Variants in ADCY4 observed in about 807,000 individuals in gnomAD.
ADCY4 encodes the protein adenylate cyclase type 4.
Under a neutral mutation model 125.5 loss-of-function variants are expected in ADCY4, and 111 were observed. The ratio of observed to expected loss-of-function variants is 0.88; its 90% CI spans 0.76 to 1.04. ADCY4 has a LOEUF of 1.04. ADCY4 is among the 50% of genes least tolerant of loss of function. The pLI is 0.00. For synonymous variants in ADCY4, 576 were observed against 586.9 expected (o/e 0.98, Z 0.27); for missense variants, 1,256 against 1,382.9 (o/e 0.91, Z 1.46).
At chr14:24,333,807 C>T (rs2139230357) in intron 1 of ADCY4, among the ~76,000 whole-genome samples, 1 of 152,266 alleles carries the variant, frequency 6.6e-6, no homozygotes, top group East Asian at 1.9e-4. Context: ...GCGCCAGGAC[C>T]CGCGGCGTCC....
chr14:24,318,838 A>C, intron 23 of ADCY4, 60 bp from the exon 24 acceptor site: 2 of 1,606,646 alleles, frequency 1.2e-6, no homozygotes, highest in East Asian at 2.2e-5. Flanking sequence ...GGAAGCCACA[A>C]GGAACTGGAA....
intron 1 of ADCY4, among the ~76,000 whole-genome samples, chr14:24,333,931 C>T (rs1221634530): frequency 1.3e-5 from 2 of 152,204 alleles, no homozygotes; most frequent in Non-Finnish European, 2.9e-5. Context: ...TAGGCGTGGA[C>T]CAGCAAGGAT....
At chr14:24,323,585 G>A in intron 16 of ADCY4, 131 bp from the exon 17 acceptor site, 2 of 1,464,382 alleles carry the variant, frequency 1.4e-6, no homozygotes, top group South Asian at 1.4e-5. Flanking sequence ...TGCTATTTCT[G>A]GTTGGGAAGG....
chr14:24,323,452 G>C lies in ADCY4; in HGVS notation c.2049C>G (p.Phe683Leu), dbSNP rs763475799. 16 of 1,552,472 alleles carry C rather than the reference G, an allele frequency of 1.0e-5. No homozygotes were observed. In the South Asian group the frequency reaches 1.9e-4, roughly 18 times the overall value. Residue 683 changes from phenylalanine to leucine, a missense_variant and splice_region_variant, in exon 17 of 25, where the codon TTC becomes TTG. Coordinates refer to ENST00000418030, the MANE Select transcript of ADCY4 (RefSeq NM_001198568.2). The stretch of plus-strand genomic sequence containing the variant: ...GGCAGTCTGATGATGTTGGGAAGAA[G>C]AACTGCAGAGGAGATGAGGAGTTGA... ...LVFAMAITSL[F>L]FFPTSSDCPF...
chr14:24,328,077 C>T (rs1321253933), intron 10 of ADCY4, among the ~76,000 whole-genome samples: 2 of 152,196 alleles, frequency 1.3e-5, no homozygotes, highest in East Asian at 3.8e-4. Context: ...TGCGAGCCTT[C>T]TGTTATGCCT....
At position 24,324,370 on chromosome 14, in the gene ADCY4, C is replaced by T. The variant is rs141339113; in HGVS notation, c.1845G>A (p.Thr615=). Residue 615 remains threonine, a synonymous_variant, in exon 15 of 25, where the codon ACG becomes ACA. Transcript: ENST00000418030. ...GGAAGAGGAGGAAGGTGATGCTATA[C>T]GTGATGGCCAGAGCTGGGGGCCTGA... ...VTNRPPALAI[T]YSITFLLFLL... The T allele has an allele frequency of 1.7e-5, 27 of 1,614,004 alleles. No individual in the cohort carries two copies. The African/African-American group carries it at 1.7e-4, about 10-fold the overall frequency.
At chr14:24,321,983 A>T in intron 20 of ADCY4, 83 bp downstream of exon 20, 2 of 1,490,158 alleles carry the variant, frequency 1.3e-6, no homozygotes, top group Admixed American at 4.2e-5. Flanking sequence ...GGTTCTAGAG[A>T]AAACGGGCCA....
rs768747131 is a variant in ADCY4, at chr14:24,319,256, G to A, written c.2842-44C>T. On this transcript the variant is annotated intron_variant, in intron 22 of 24. Transcript: ENST00000418030. The surrounding 1 kb of genome is among the most constrained non-coding windows in gnomAD (Gnocchi z 4.5). ...ACCAGGGTGGGCCAGTGAGGGCACAGGAATAAGTCCCACTAATAAGCCCAT... is the reference window on the plus strand; with the variant it reads ...ACCAGGGTGGGCCAGTGAGGGCACAAGAATAAGTCCCACTAATAAGCCCAT... 5 of 1,612,938 alleles carry A rather than the reference G, an allele frequency of 3.1e-6. No homozygotes were observed. In the African/African-American group the frequency reaches 4.0e-5, roughly 13 times the overall value.
chr14:24,324,147 C>T lies in ADCY4; in HGVS notation c.1961G>A (p.Gly654Asp). 6.2e-7 allele frequency: 1 copy of T among 1,614,260 alleles called. No homozygotes were observed. The highest frequency in any genetic ancestry group is 8.5e-7 in the Non-Finnish European group (1 of 1,180,044). The change falls in exon 16 of 25, where the codon GGC becomes GAC. Residue 654 changes from glycine (G) to aspartate (D), a missense_variant. Gly to Asp is a moderately conservative substitution (Grantham distance 94). Transcript: ENST00000418030. ...CAGTCCTGGTCGTGTGGCCACCAGGCCAGACAGTGCAGGCAGCCAGTGCAG... is the reference window on the plus strand; with the variant it reads ...CAGTCCTGGTCGTGTGGCCACCAGGTCAGACAGTGCAGGCAGCCAGTGCAG... Reference protein sequence around the residue: ...KMLHWLPALSGLVATRPGLRI... With the variant: ...KMLHWLPALSDLVATRPGLRI...
Position 24,324,330 on chromosome 14 carries a change from C to T in ADCY4, c.1885G>A (p.Val629Ile), listed in dbSNP as rs1214886629. 1.9e-6 allele frequency: 3 copies of T among 1,614,018 alleles called. No homozygotes were observed. The highest frequency in any genetic ancestry group is 2.7e-5 in the African/African-American group (2 of 74,906). Residue 629 changes from valine (V) to isoleucine (I), a missense_variant, in exon 15 of 25, where the codon GTC (valine) becomes ATC (isoleucine). Physicochemically the swap from Val to Ile is conservative, Grantham distance 29. Transcript: ENST00000418030. ...TFLLFLLILF[V>I]CFSEDLMRCV... ...ACCATCAGGTCCTCTGAGAAGCAGACAAAAAGGATGAGGAGGAAGAGGAGG... is the reference window on the plus strand; with the variant it reads ...ACCATCAGGTCCTCTGAGAAGCAGATAAAAAGGATGAGGAGGAAGAGGAGG...
chr14:24,323,138 G>A (rs753285670), intron 17 of ADCY4, 50 bp from the exon 18 acceptor site: 46 of 1,588,018 alleles, frequency 2.9e-5, no homozygotes, highest in Admixed American at 3.5e-5. Flanking sequence ...TAGGCAGAGG[G>A]GGGACACCTG....
intron 20 of ADCY4, 51 bp downstream of exon 20, chr14:24,322,015 A>C (rs753056379): frequency 6.4e-7 from 1 of 1,556,454 alleles, no homozygotes; most frequent in South Asian, 1.2e-5. Flanking sequence ...TTTCATCTGA[A>C]ATTAGGCCCT....
intron 6 of ADCY4, 35 bp from the exon 7 acceptor site, chr14:24,330,330 G>T (rs1195037737): frequency 1.2e-6 from 2 of 1,612,546 alleles, no homozygotes; most frequent in Non-Finnish European, 1.7e-6. Flanking sequence ...AGAGGAACCT[G>T]GTTAGAGGTC....
chr14:24,319,774 G>A lies in ADCY4; in HGVS notation c.2701C>T (p.Leu901=). 5.6e-6 allele frequency: 9 copies of A among 1,614,168 alleles called. No individual in the cohort carries two copies. The highest frequency in any genetic ancestry group is 6.8e-6 in the Non-Finnish European group (8 of 1,180,032). Residue 901 remains leucine (L), a synonymous_variant, in exon 21 of 25, where the codon CTG becomes TTG. Coordinates refer to ENST00000418030, the MANE Select transcript of ADCY4 (RefSeq NM_001198568.2). This position sits in a 1 kb window ranked among gnomAD's most constrained non-coding sequence, Gnocchi z 4.5. ...INHEGLECLR[L]LNEIIADFDE... is the part of the protein sequence containing the mutation. ...AAATCAGCAATTATCTCATTGAGCA[G>A]CCTCAGACACTCTAGGCCCTCATGA...
chr14:24,329,898 G>A lies in ADCY4; in HGVS notation c.1179C>T (p.Val393=). 3 of 1,614,108 alleles carry A rather than the reference G, an allele frequency of 1.9e-6. No homozygotes were observed. The highest frequency in any genetic ancestry group is 2.5e-6 in the Non-Finnish European group (3 of 1,180,000). ...CTGCCTCCATGTGGTTAGCCAGTGTGACATCATGTGACCAAACGTCGTACT... is the reference window on the plus strand; with the variant it reads ...CTGCCTCCATGTGGTTAGCCAGTGTAACATCATGTGACCAAACGTCGTACT... ...KWQYDVWSHD[V]TLANHMEAGG... Residue 393 remains valine (V), a synonymous_variant, in exon 8 of 25, where the codon GTC becomes GTT. Transcript: ENST00000418030.
chr14:24,334,952 G>C lies in ADCY4; in HGVS notation c.-300C>G, dbSNP rs893009453. The C allele has an allele frequency of 1.0e-5, 3 of 298,498 alleles. No homozygotes were observed. 18.5% of individuals were successfully genotyped at this position (298,498 alleles called of 1,614,324 possible). ...GGCAGGATTTGGGGTTGGTGCGAGGGAGCCCCGGGTTCCCCTGATCCCCGA... is the reference window on the plus strand; with the variant it reads ...GGCAGGATTTGGGGTTGGTGCGAGGCAGCCCCGGGTTCCCCTGATCCCCGA... On this transcript the variant is annotated 5_prime_UTR_variant, in exon 1 of 25. Coordinates refer to ENST00000418030, the MANE Select transcript of ADCY4 (RefSeq NM_001198568.2).
At position 24,319,084 on chromosome 14, in the gene ADCY4, G is replaced by A. The variant is rs368412479; in HGVS notation, c.2956+14C>T. 2 of 1,613,160 alleles carry A rather than the reference G, an allele frequency of 1.2e-6. No homozygotes were observed. Among genetic ancestry groups the A allele is most frequent in the Non-Finnish European group, 1.7e-6 (2 of 1,179,396 alleles). ...AGGAGGTACCAGACTGCTGCAGCAG[G>A]GGAAGTCTCTCACCCACTCGCAGGC... is the stretch of plus-strand genomic sequence containing the variant. On this transcript the variant is annotated intron_variant, in intron 23 of 24. Coordinates refer to ENST00000418030, the MANE Select transcript of ADCY4 (RefSeq NM_001198568.2). This position sits in a 1 kb window ranked among gnomAD's most constrained non-coding sequence, Gnocchi z 4.5.
intron 20 of ADCY4, among the ~76,000 whole-genome samples, chr14:24,320,850 A>G (rs1359328184): frequency 2.0e-5 from 3 of 152,182 alleles, no homozygotes; most frequent in Admixed American, 2.0e-4. Context: ...ATTTTAATTA[A>G]TTAACATTAA....
rs760027975 is a variant in ADCY4 at position 24,329,549 on chromosome 14, C to A, written c.1218-16G>T. On this transcript the variant is annotated splice_polypyrimidine_tract_variant and intron_variant, in intron 8 of 24. Coordinates refer to ENST00000418030, the MANE Select transcript of ADCY4 (RefSeq NM_001198568.2). ...GTGCACTCGCCTGGAAGGAGGGAGG[C>A]AGTAGGGGTCAGCAGGGAGGGCCTT... 2 of 1,511,864 alleles carry A rather than the reference C, an allele frequency of 1.3e-6. No individual in the cohort carries two copies. Among genetic ancestry groups the A allele is most frequent in the Non-Finnish European group, 8.8e-7 (1 of 1,131,480 alleles). 93.7% of individuals were successfully genotyped at this position (1,511,864 alleles called of 1,614,324 possible). A position where few individuals can be genotyped will look rare whatever the true frequency, so the allele number is the denominator to read the frequency against.
Sources: gnomAD v4.1 joint callset for allele counts (sites outside exome capture counted in the v4.1 genomes callset) on GRCh38, gnomAD v4.1.1 for gene constraint, Gnocchi (gnomAD v3.1) non-coding constraint, MANE v1.5 for transcripts, NCBI Gene and HGNC (gene_info 2026-07-23, HGNC 2026-07-21) for gene names.